Variants in TECPR2 observed in about 807,000 individuals in gnomAD.
TECPR2 encodes tectonin beta-propeller repeat-containing protein 2.
A neutral mutation model predicts 138.1 loss-of-function variants in TECPR2; 65 were observed. The observed-to-expected ratio is 0.47, with a 90% confidence interval of 0.39 to 0.58. The LOEUF (loss-of-function observed/expected upper bound fraction) is 0.58, where lower values mean the gene tolerates loss of function less well. Among genes scored for constraint, TECPR2 ranks in the 20% least tolerant of loss-of-function variants. The probability of loss-of-function intolerance (pLI) is 0.00; values close to 1 mark genes in which losing one functional copy is unlikely to be tolerated. For synonymous variants in TECPR2, 746 were observed against 749.8 expected, an observed-to-expected ratio of 0.99 and a Z score of 0.08; for missense variants, 1,553 against 1,824.5, an observed-to-expected ratio of 0.85 and a Z score of 2.71.
Position 102,431,848 on chromosome 14 carries a change from A to T in TECPR2, c.1137A>T (p.Gln379His). ...GCTCAGAGCGTGTCCACGTGCAGCA[A>T]GCGGAGAAGCTGCCAGGGGCCACAG... is the stretch of plus-strand genomic sequence containing the variant. ...SGCSERVHVQ[Q>H]AEKLPGATVS... Residue 379 changes from glutamine to histidine, a missense_variant, in exon 8 of 20, where the codon CAA (glutamine) becomes CAT (histidine). By Grantham distance (24) the Gln-to-His change is conservative. Transcript: ENST00000359520. The T allele has an allele frequency of 6.3e-7, 1 of 1,599,134 alleles. No individual in the cohort carries two copies. Among genetic ancestry groups the T allele is most frequent in the Non-Finnish European group, 8.6e-7 (1 of 1,167,952 alleles).
In TECPR2 at chr14:102,498,896, A is replaced by ACACCT. The variant is rs1891366842; in HGVS notation, c.*644_*648dup. On this transcript the variant is annotated 3_prime_UTR_variant, in exon 20 of 20. Coordinates refer to ENST00000359520, the MANE Select transcript of TECPR2 (RefSeq NM_014844.5). ...AACACACCTCACCTCACACCACAGC[A>ACACCT]CACCTCACCACACCACACCGCACTG... 1 of 680,076 alleles carries ACACCT rather than the reference A, an allele frequency of 1.5e-6. No individual in the cohort carries two copies. The highest frequency in any genetic ancestry group is 1.8e-5 in the African/African-American group (1 of 56,620). 42.1% of individuals were successfully genotyped at this position (680,076 alleles called of 1,614,324 possible).
At chr14:102,441,792 A>C (rs1041601393) in intron 11 of TECPR2, among the ~76,000 whole-genome samples, 1 of 152,206 alleles carries the variant, frequency 6.6e-6, no homozygotes, top group African/African-American at 2.4e-5. Flanking sequence ...TGCTTATTAA[A>C]AATAAGCTGT....
At chr14:102,410,849 T>G (rs1022433734) in intron 4 of TECPR2, among the ~76,000 whole-genome samples, 46 of 151,518 alleles carry the variant, frequency 3.0e-4, no homozygotes, top group Non-Finnish European at 5.3e-4. Context: ...TATCTCCTGG[T>G]GCTATCCCCA....
chr14:102,401,829 A>G (rs1888497435), intron 2 of TECPR2, among the ~76,000 whole-genome samples: 1 of 145,228 alleles, frequency 6.9e-6, no homozygotes, highest in Admixed American at 6.9e-5. Flanking sequence ...AAAAAAAAAG[A>G]GAGACTCACT....
At chr14:102,482,093 A>G (rs1890905561) in intron 17 of TECPR2, among the ~76,000 whole-genome samples, 1 of 150,900 alleles carries the variant, frequency 6.6e-6, no homozygotes, top group South Asian at 2.1e-4. Flanking sequence ...TCTGTTGCCC[A>G]GGCTGGCGTG....
intron 14 of TECPR2, among the ~76,000 whole-genome samples, chr14:102,450,095 G>A (rs1269385893): frequency 6.6e-6 from 1 of 152,070 alleles, no homozygotes; most frequent in Non-Finnish European, 1.5e-5. Flanking sequence ...GTTTCCCCTG[G>A]AAACCTTTTA....
chr14:102,428,227 T>TG lies in TECPR2; in HGVS notation c.952-23_952-22insG, dbSNP rs759359856. 7.7e-5 allele frequency: 97 copies of TG among 1,259,326 alleles called. No homozygotes were observed. In the African/African-American group the frequency reaches 1.0e-3, roughly 13 times the overall value. 78.0% of individuals were successfully genotyped at this position (1,259,326 alleles called of 1,614,324 possible). On this transcript the variant is annotated intron_variant, in intron 6 of 19. Transcript: ENST00000359520. Reference sequence around the variant, plus strand: ...TGTTTAGTTTTGTGTTTTTTGTTTTTTTTTTTTTTTTTTTTTTGACAGGCC... The same window carrying TG: ...TGTTTAGTTTTGTGTTTTTTGTTTTTGTTTTTTTTTTTTTTTTTGACAGGCC...
At chr14:102,477,289 G>GA (rs1890785896) in intron 17 of TECPR2, among the ~76,000 whole-genome samples, 2 of 151,626 alleles carry the variant, frequency 1.3e-5, no homozygotes, top group Non-Finnish European at 2.9e-5. Flanking sequence ...AGAATTGCTT[G>GA]AACCTGAGAG....
intron 7 of TECPR2, among the ~76,000 whole-genome samples, chr14:102,429,769 C>A (rs920190945): frequency 6.6e-6 from 1 of 152,114 alleles, no homozygotes; most frequent in African/African-American, 2.4e-5. Flanking sequence ...GTTAGAATGG[C>A]TTTCAGGAAG....
chr14:102,467,523 C>T (rs943562974), intron 17 of TECPR2, among the ~76,000 whole-genome samples: 1 of 151,974 alleles, frequency 6.6e-6, no homozygotes, highest in African/African-American at 2.4e-5. Flanking sequence ...CGGGGTTTCA[C>T]CATATTGGTC....
chr14:102,404,517 T>C (rs746831197), intron 2 of TECPR2, among the ~76,000 whole-genome samples: 1 of 151,526 alleles, frequency 6.6e-6, no homozygotes, highest in Non-Finnish European at 1.5e-5. Flanking sequence ...TACATAAAAA[T>C]AGACATAGAG....
chr14:102,481,848 G>A (rs369258288), intron 17 of TECPR2, among the ~76,000 whole-genome samples: 5 of 150,318 alleles, frequency 3.3e-5, no homozygotes, highest in South Asian at 2.2e-4. Flanking sequence ...TGCATCCCCC[G>A]TCCCCCATTC....
intron 3 of TECPR2, among the ~76,000 whole-genome samples, chr14:102,408,169 CAA>C (rs79017118): frequency 3.2e-5 from 4 of 126,074 alleles, no homozygotes; most frequent in African/African-American, 5.9e-5. Flanking sequence ...GACTCTGTCT[CAA>C]AAAAAAAAAA....
intron 2 of TECPR2, among the ~76,000 whole-genome samples, chr14:102,400,077 G>C (rs1381383265): frequency 7.2e-5 from 10 of 138,420 alleles, no homozygotes; most frequent in Admixed American, 3.8e-4. Context: ...ATGGTGTCTT[G>C]CTCTGTCACC....
chr14:102,441,088 G>A (rs930387589), intron 11 of TECPR2, among the ~76,000 whole-genome samples: 4 of 151,854 alleles, frequency 2.6e-5, no homozygotes, highest in South Asian at 2.1e-4. Context: ...ATTTTGAGAC[G>A]GAGTCTCGCT....
At chr14:102,473,103 A>T (rs1446133066) in intron 17 of TECPR2, among the ~76,000 whole-genome samples, 1 of 152,258 alleles carries the variant, frequency 6.6e-6, no homozygotes, top group African/African-American at 2.4e-5. Flanking sequence ...CTGAGGCCTC[A>T]TAGCGGGCAG....
chr14:102,423,666 A>G (rs1889241893), intron 5 of TECPR2, among the ~76,000 whole-genome samples: 1 of 152,148 alleles, frequency 6.6e-6, no homozygotes, highest in African/African-American at 2.4e-5. Flanking sequence ...TCACACAACG[A>G]AGACATCGCC....
intron 4 of TECPR2, among the ~76,000 whole-genome samples, chr14:102,411,422 A>G (rs886800390): frequency 1.3e-5 from 2 of 152,246 alleles, no homozygotes; most frequent in East Asian, 1.9e-4. Context: ...AACTGATGAC[A>G]TTCCACCACA....
intron 2 of TECPR2, among the ~76,000 whole-genome samples, chr14:102,394,361 T>C (rs927140331): frequency 6.6e-6 from 1 of 152,152 alleles, no homozygotes; most frequent in Non-Finnish European, 1.5e-5. Flanking sequence ...ATCCCAGCAC[T>C]TTGGGAGGCT....
Sources: gnomAD v4.1 joint callset for allele counts (sites outside exome capture counted in the v4.1 genomes callset) on GRCh38, gnomAD v4.1.1 for gene constraint, MANE v1.5 for transcripts, NCBI Gene and HGNC (gene_info 2026-07-23, HGNC 2026-07-21) for gene names.